Variants in GBP2 observed in about 807,000 individuals in gnomAD.
The protein encoded by GBP2 is guanylate binding protein 2.
A neutral mutation model predicts 60.8 loss-of-function variants in GBP2; 54 were observed. That is an observed-to-expected ratio of 0.89 (90% confidence interval 0.71 to 1.11). The LOEUF is 1.11. GBP2 is among the 50% of genes most tolerant of loss of function. GBP2 has a pLI of 0.00. For synonymous variants in GBP2, 243 were observed against 256.5 expected, an observed-to-expected ratio of 0.95 and a Z score of 0.50; for missense variants, 665 against 703.3, an observed-to-expected ratio of 0.95 and a Z score of 0.62.
In GBP2 at chr1:89,121,285, G is replaced by A; in HGVS notation, c.191-15C>T. Reference sequence around the variant, plus strand: ...TAGAGAGAAGCCTGTAGAAGGAGAGGATAAAAGGGAAAAGAAATTACTTAG... The same window carrying A: ...TAGAGAGAAGCCTGTAGAAGGAGAGAATAAAAGGGAAAAGAAATTACTTAG... On this transcript the variant is annotated splice_polypyrimidine_tract_variant and intron_variant, in intron 2 of 10. Coordinates refer to ENST00000370466, the MANE Select transcript of GBP2 (RefSeq NM_004120.5). 6.3e-7 allele frequency: 1 copy of A among 1,581,486 alleles called. No homozygotes were observed. Among genetic ancestry groups the A allele is most frequent in the Non-Finnish European group, 8.6e-7 (1 of 1,166,074 alleles).
intron 1 of GBP2, among the ~76,000 whole-genome samples, chr1:89,122,693 C>T (rs946605946): frequency 2.0e-5 from 3 of 152,134 alleles, no homozygotes; most frequent in Non-Finnish European, 4.4e-5. Flanking sequence ...GGTTTCTCTA[C>T]CACAAAGTGT....
At chr1:89,123,970 T>C (rs150280620) in intron 1 of GBP2, among the ~76,000 whole-genome samples, 80 of 152,334 alleles carry the variant, frequency 5.3e-4, no homozygotes, top group African/African-American at 1.8e-3. Context: ...AATGAGCATA[T>C]ACATGTATAT....
intron 10 of GBP2, among the ~76,000 whole-genome samples, chr1:89,109,445 G>C (rs1325391120): frequency 6.6e-6 from 1 of 152,164 alleles, no homozygotes; most frequent in African/African-American, 2.4e-5. Context: ...CTTGTGCAGT[G>C]CCTAGCAATG....
At chr1:89,115,201 T>C (rs141370523) in intron 6 of GBP2, among the ~76,000 whole-genome samples, 1 of 152,222 alleles carries the variant, frequency 6.6e-6, no homozygotes, top group Non-Finnish European at 1.5e-5. Context: ...ATTCCCTTCA[T>C]AAATCCATAT....
At chr1:89,114,391 A>C (rs537028005) in intron 6 of GBP2, 95 bp from the exon 7 acceptor site, 1 of 1,391,780 alleles carries the variant, frequency 7.2e-7, no homozygotes, top group South Asian at 1.4e-5. Flanking sequence ...TAATACTTTT[A>C]AATAAGTTTT....
At chr1:89,122,354 T>G (rs1468991222) in intron 1 of GBP2, among the ~76,000 whole-genome samples, 2 of 152,226 alleles carry the variant, frequency 1.3e-5, no homozygotes, top group African/African-American at 4.8e-5. Flanking sequence ...TTCTGCTCCA[T>G]GACCCAATCC....
rs200030074 is a variant in GBP2, at chr1:89,112,594, C to A, written c.1240G>T (p.Gly414Cys). Residue 414 changes from glycine (G) to cysteine (C), a missense_variant, in exon 8 of 11, where the codon GGC becomes TGC. Coordinates refer to ENST00000370466, the MANE Select transcript of GBP2 (RefSeq NM_004120.5). ...TGCTTGACATCTTCTTCTAAAGGGC[C>A]AAATATATCCTGAAGTAAAGCCATG... ...CCMALLQDIF[G>C]PLEEDVKQGT... 128 of 1,613,964 alleles carry A rather than the reference C, an allele frequency of 7.9e-5. No homozygotes were observed. Among genetic ancestry groups the A allele is most frequent in the Non-Finnish European group, 1.0e-4 (120 of 1,180,010 alleles).
At chr1:89,120,005 G>T in intron 4 of GBP2, 174 bp downstream of exon 4, 1 of 577,794 alleles carries the variant, frequency 1.7e-6, no homozygotes, top group Non-Finnish European at 3.1e-6. Context: ...TAACTGGGAA[G>T]ACTTGAAGTT....
chr1:89,112,249 A>G (rs1681182316), intron 8 of GBP2, among the ~76,000 whole-genome samples: 1 of 152,208 alleles, frequency 6.6e-6, no homozygotes, highest in African/African-American at 2.4e-5. Context: ...AGATGAATAA[A>G]TAAATGAGTC....
chr1:89,121,392 T>A, intron 2 of GBP2, 122 bp from the exon 3 acceptor site: 1 of 843,686 alleles, frequency 1.2e-6, no homozygotes, highest in Non-Finnish European at 1.8e-6. Flanking sequence ...GCATAAATCT[T>A]AATTACAATC....
In GBP2 at chr1:89,114,153, C is replaced by T. The variant is rs1304646873; in HGVS notation, c.1012G>A (p.Gly338Ser). ...KAIAHYEQQM[G>S]QKVQLPTETL... ...TCCGTGGGCAGCTGCACCTTCTGGC[C>T]CATCTGCTGTTCATAGTGGGCAATA... Residue 338 changes from glycine to serine, a missense_variant, in exon 7 of 11, where the codon GGC becomes AGC. Transcript: ENST00000370466. The T allele has an allele frequency of 6.2e-7, 1 of 1,614,198 alleles. No individual in the cohort carries two copies. Among genetic ancestry groups the T allele is most frequent in the Non-Finnish European group, 8.5e-7 (1 of 1,180,040 alleles).
In GBP2 at chr1:89,121,158, C is replaced by CA; in HGVS notation, c.302dup (p.Asp103ArgfsTer6). 1 of 1,612,164 alleles carries CA rather than the reference C, an allele frequency of 6.2e-7. No individual in the cohort carries two copies. Among genetic ancestry groups the CA allele is most frequent in the Non-Finnish European group, 8.5e-7 (1 of 1,179,022 alleles). On this transcript the variant is annotated frameshift_variant, in exon 3 of 11. Coordinates refer to ENST00000370466, the MANE Select transcript of GBP2 (RefSeq NM_004120.5). LOFTEE classifies it high-confidence loss of function. ...TTTTTTTTACCTTCTCTATATCTCC[C>CA]AGGCCCTCAGTGTCGAGCAGAACTA... is the stretch of plus-strand genomic sequence containing the variant.
At position 89,108,201 on chromosome 1, in the gene GBP2, A is replaced by G. The variant is rs770116082; in HGVS notation, c.1750T>C (p.Leu584=). The change falls in exon 11 of 11, where the codon TTG becomes CTG. Residue 584 remains leucine, a synonymous_variant. Coordinates refer to ENST00000370466, the MANE Select transcript of GBP2 (RefSeq NM_004120.5). The part of the protein sequence containing the change: ...IWDIQMRSKS[L]EPICNIL Reference sequence around the variant, plus strand: ...TAGAGTATGTTACATATTGGCTCCAATGATTTGCTTCTCATCTGGATATCC... The same window carrying G: ...TAGAGTATGTTACATATTGGCTCCAGTGATTTGCTTCTCATCTGGATATCC... 42 of 1,611,782 alleles carry G rather than the reference A, an allele frequency of 2.6e-5. No individual in the cohort carries two copies. The highest frequency in any genetic ancestry group is 3.3e-5 in the South Asian group (3 of 91,036).
Position 89,114,034 on chromosome 1 carries a change from C to G in GBP2, c.1131G>C (p.Met377Ile). The G allele has an allele frequency of 6.2e-7, 1 of 1,614,222 alleles. No homozygotes were observed. The highest frequency in any genetic ancestry group is 8.5e-7 in the Non-Finnish European group (1 of 1,180,034). ...MKNSFKDVDQ[M>I]FQRKLGAQLE... ...AATATACCCCTAATTTCCTCTGGAA[C>G]ATTTGGTCCACATCCTTGAAAGAGT... Residue 377 changes from methionine to isoleucine, a missense_variant, in exon 7 of 11, where the codon ATG becomes ATC. Physicochemically the swap from Met to Ile is conservative, Grantham distance 10 (BLOSUM62 1). Transcript: ENST00000370466.
chr1:89,120,352 G>T, intron 3 of GBP2, 64 bp from the exon 4 acceptor site: 4 of 1,301,536 alleles, frequency 3.1e-6, no homozygotes, highest in Non-Finnish European at 4.5e-6. Context: ...AATTCAGATA[G>T]CTGAAGACTG....
chr1:89,120,079 T>C (rs760367503), intron 4 of GBP2, 100 bp downstream of exon 4: 2 of 780,828 alleles, frequency 2.6e-6, no homozygotes, highest in South Asian at 1.5e-5. Context: ...AGAGGACTTA[T>C]GAATTCTTCA....
At chr1:89,116,039 G>T (rs1242451915) in intron 6 of GBP2, among the ~76,000 whole-genome samples, 1 of 151,844 alleles carries the variant, frequency 6.6e-6, no homozygotes, top group Non-Finnish European at 1.5e-5. Context: ...TGGAGACAGG[G>T]TCTCACTCTG....
Position 89,117,713 on chromosome 1 carries a change from T to C in GBP2, c.489A>G (p.Val163=). 1 of 1,614,128 alleles carries C rather than the reference T, an allele frequency of 6.2e-7. No individual in the cohort carries two copies. Among genetic ancestry groups the C allele is most frequent in the East Asian group, 2.2e-5 (1 of 44,870 alleles). ...AGCTCACAAAGTCAGCTGAGTCGTC[T>C]ACAGAATTGTTACCAGGTGAGGAGT... ...KANSSPGNNS[V]DDSADFVSFF... Residue 163 remains valine (V), a synonymous_variant, in exon 5 of 11, where the codon GTA becomes GTG. Transcript: ENST00000370466.
chr1:89,112,906 T>A, intron 7 of GBP2: 1 of 565,548 alleles, frequency 1.8e-6, no homozygotes, highest in Middle Eastern at 4.7e-4. Context: ...TTCTCCCAGT[T>A]TTCCTGTTTC....
Sources: gnomAD v4.1 joint callset for allele counts (sites outside exome capture counted in the v4.1 genomes callset) on GRCh38, gnomAD v4.1.1 for gene constraint, MANE v1.5 for transcripts, NCBI Gene and HGNC (gene_info 2026-07-23, HGNC 2026-07-21) for gene names.